The following ITGB1BP1 variants were observed in gnomAD, a reference collection of about 807,000 sequenced individuals.
The protein encoded by ITGB1BP1 is integrin subunit beta 1 binding protein 1.
Under a neutral mutation model 28.0 loss-of-function variants are expected in ITGB1BP1, and 20 were observed. The observed-to-expected ratio is 0.71, with a 90% CI of 0.50 to 1.04. The LOEUF (loss-of-function observed/expected upper bound fraction) is 1.04. ITGB1BP1 is among the 50% of genes least tolerant of loss of function. The pLI is 0.00. For synonymous variants in ITGB1BP1, 103 were observed against 89.5 expected (o/e 1.15, Z -0.85); for missense variants, 228 against 242.5 (o/e 0.94, Z 0.40).
At chr2:9,411,638 G>A (rs901547004) in intron 4 of ITGB1BP1, among the ~76,000 whole-genome samples, 1 of 151,832 alleles carries the variant, frequency 6.6e-6, no homozygotes, top group Admixed American at 6.6e-5. Context: ...CAGGAGAATC[G>A]CTTAAACCCG....
rs1027578975 is a variant in ITGB1BP1, at chr2:9,404,622, A to T, written c.*2212T>A. The T allele has an allele frequency of 6.6e-6, 1 of 152,626 alleles. No individual in the cohort carries two copies. The highest frequency in any genetic ancestry group is 2.4e-5 in the African/African-American group (1 of 41,462). 9.5% of individuals were successfully genotyped at this position (152,626 alleles called of 1,614,324 possible). ...CCACTTGGACTTTTAACAAAAGTAA[A>T]GGAATAAATTTGCATATAGGCTTGG... is the stretch of plus-strand genomic sequence containing the variant. On this transcript the variant is annotated 3_prime_UTR_variant, in exon 7 of 7. Transcript: ENST00000355346.
At chr2:9,422,165 T>G (rs56063038) in intron 1 of ITGB1BP1, among the ~76,000 whole-genome samples, 28,444 of 152,194 alleles carry the variant, frequency 0.19, 2,842 homozygotes, top group Middle Eastern at 0.3. Flanking sequence ...ACTTTAAATC[T>G]ACCCCCACAC....
chr2:9,411,695 C>T (rs959429739), intron 4 of ITGB1BP1, among the ~76,000 whole-genome samples: 2 of 151,034 alleles, frequency 1.3e-5, no homozygotes, highest in Non-Finnish European at 2.9e-5. Flanking sequence ...TGCACTCCAG[C>T]CTGGGCGACA....
chr2:9,407,255 C>T (rs762660083), intron 6 of ITGB1BP1, 194 bp downstream of exon 6: 96 of 631,484 alleles, frequency 1.5e-4, no homozygotes, highest in Non-Finnish European at 2.4e-4. Flanking sequence ...AGTGCTGCCA[C>T]TGGCCCTAAC....
rs4076060 is a variant in ITGB1BP1 at position 9,422,920 on chromosome 2, G to A, written c.-36+453C>T. 4.6e-4 allele frequency: 456 copies of A among 986,158 alleles called. 2 individuals are homozygous for A. The African/African-American group carries it at 7.4e-3, about 16-fold the overall frequency. The allele number at this position is 986,158 out of a possible 1,614,324, so 61.1% of individuals were successfully genotyped here. A position where few individuals can be genotyped will look rare whatever the true frequency, so the allele number is the denominator to read the frequency against. ...GATGCGGCCAAGCTCGGGGCCTAGG[G>A]AGAGCCGGCTCCGAAGTTCCTCCCA... On this transcript the variant is annotated intron_variant, in intron 1 of 6. Coordinates refer to ENST00000355346, the MANE Select transcript of ITGB1BP1 (RefSeq NM_004763.5).
chr2:9,407,456 T>C lies in ITGB1BP1; in HGVS notation c.524A>G (p.Asn175Ser). 1.2e-6 allele frequency: 2 copies of C among 1,614,208 alleles called. No individual in the cohort carries two copies. Among genetic ancestry groups the C allele is most frequent in the Non-Finnish European group, 1.7e-6 (2 of 1,180,036 alleles). Reference protein sequence around the residue: ...EEYSLWVYQCNSLEQAQAICK... With the variant: ...EEYSLWVYQCSSLEQAQAICK... ...AAAGTAACGAAGTCTCACCAGGCTGTTGCACTGATAAACCCACAGGCTGTA... is the reference window on the plus strand; with the variant it reads ...AAAGTAACGAAGTCTCACCAGGCTGCTGCACTGATAAACCCACAGGCTGTA... Residue 175 changes from asparagine to serine, a missense_variant, in exon 6 of 7, where the codon AAC (asparagine) becomes AGC (serine). Asn to Ser is a conservative substitution (Grantham distance 46). Transcript: ENST00000355346.
chr2:9,407,621 C>T lies in ITGB1BP1; in HGVS notation c.382-23G>A, dbSNP rs373071157. 27 of 1,613,420 alleles carry T rather than the reference C, an allele frequency of 1.7e-5. No homozygotes were observed. The East Asian group carries it at 2.5e-4, about 15-fold the overall frequency. ...ATCCTGCAGAAGTCAGGAAAGATTCCGAGAGATCAGGACTCTCAAATGTTT... is the reference window on the plus strand; with the variant it reads ...ATCCTGCAGAAGTCAGGAAAGATTCTGAGAGATCAGGACTCTCAAATGTTT... On this transcript the variant is annotated intron_variant, in intron 5 of 6. Transcript: ENST00000355346.
At chr2:9,408,414 G>A in intron 4 of ITGB1BP1, 1 of 495,052 alleles carries the variant, frequency 2.0e-6, no homozygotes, top group Non-Finnish European at 3.6e-6. Context: ...TTGAGACAGA[G>A]TCTCACTCTG....
Position 9,407,573 on chromosome 2 carries a change from T to C in ITGB1BP1, c.407A>G (p.Tyr136Cys). ...QYDVLHRHALYLIIRMVCYDD... is the reference protein window; with the variant it reads ...QYDVLHRHALCLIIRMVCYDD... Reference sequence around the variant, plus strand: ...GTAACACACCATCCGGATTATTAAGTAGAGAGCATGCCTGTGCAAAACATC... The same window carrying C: ...GTAACACACCATCCGGATTATTAAGCAGAGAGCATGCCTGTGCAAAACATC... The change falls in exon 6 of 7, where the codon TAC (tyrosine) becomes TGC (cysteine). Residue 136 changes from tyrosine (Y) to cysteine (C), a missense_variant. Tyr to Cys is a radical substitution (Grantham distance 194). This residue lies in a region of ITGB1BP1 where 192 missense variants were observed against 181.6 expected (regional missense o/e 1.06). Coordinates refer to ENST00000355346, the MANE Select transcript of ITGB1BP1 (RefSeq NM_004763.5). 6.2e-7 allele frequency: 1 copy of C among 1,614,122 alleles called. No homozygotes were observed. Among genetic ancestry groups the C allele is most frequent in the Middle Eastern group, 1.6e-4 (1 of 6,062 alleles).
chr2:9,414,369 A>C, intron 2 of ITGB1BP1, 113 bp from the exon 3 acceptor site: 2 of 704,660 alleles, frequency 2.8e-6, no homozygotes, highest in Non-Finnish European at 4.9e-6. Context: ...ATACAAAACC[A>C]TGTCAATTAT....
chr2:9,406,827 G>A lies in ITGB1BP1; in HGVS notation c.*7C>T. On this transcript the variant is annotated 3_prime_UTR_variant, in exon 7 of 7. Transcript: ENST00000355346. ...AGATGAAGTTGACTTCTACTTGATT[G>A]CAGGATTCAGGGTTTCTCAGATGTT... 6.3e-7 allele frequency: 1 copy of A among 1,594,796 alleles called. No individual in the cohort carries two copies. The highest frequency in any genetic ancestry group is 8.6e-7 in the Non-Finnish European group (1 of 1,162,428).
At chr2:9,409,849 T>TTC (rs1200170611) in intron 4 of ITGB1BP1, among the ~76,000 whole-genome samples, 1 of 150,558 alleles carries the variant, frequency 6.6e-6, no homozygotes, top group Non-Finnish European at 1.5e-5. Flanking sequence ...TTCTTTTTTT[T>TTC]TTTTTTTTTT....
chr2:9,420,654 A>G (rs549126533), intron 1 of ITGB1BP1, among the ~76,000 whole-genome samples: 2 of 152,312 alleles, frequency 1.3e-5, no homozygotes, highest in Non-Finnish European at 2.9e-5. Flanking sequence ...GGAACAGTCA[A>G]GGCTGTCCGG....
chr2:9,423,512 C>T lies in ITGB1BP1; in HGVS notation c.-175G>A. 8.4e-7 allele frequency: 1 copy of T among 1,186,412 alleles called. No homozygotes were observed. Among genetic ancestry groups the T allele is most frequent in the Non-Finnish European group, 1.1e-6 (1 of 927,106 alleles). 73.5% of individuals were successfully genotyped at this position (1,186,412 alleles called of 1,614,324 possible). The stretch of plus-strand genomic sequence containing the variant: ...GCCCTCCTGCCCACGTCCGCCGGGC[C>T]GCGCCTCCAAGACTATGCGCAGGCG... On this transcript the variant is annotated 5_prime_UTR_variant, in exon 1 of 7. Transcript: ENST00000355346.
chr2:9,407,658 T>C (rs1677709440), intron 5 of ITGB1BP1, 60 bp from the exon 6 acceptor site: 4 of 1,584,620 alleles, frequency 2.5e-6, no homozygotes, highest in East Asian at 4.5e-5. Context: ...TCAGTCCTGA[T>C]GACACACCCT....
chr2:9,414,057 A>G (rs977093987), intron 3 of ITGB1BP1, 121 bp downstream of exon 3: 65 of 830,850 alleles, frequency 7.8e-5, no homozygotes, highest in Non-Finnish European at 1.2e-4. Flanking sequence ...ACTCTTGTCA[A>G]AAGTGGCAAA....
rs145045333 is a variant in ITGB1BP1, at chr2:9,408,148, T to G, written c.346A>C (p.Lys116Gln). ...PEEEFIMGVSKYGIKVSTSDQ... is the reference protein window; with the variant it reads ...PEEEFIMGVSQYGIKVSTSDQ... ...GATGTTGATACTTTTATGCCATACT[T>G]GGAAACTCCCATAATAAATTCTTCC... is the stretch of plus-strand genomic sequence containing the variant. Residue 116 changes from lysine to glutamine, a missense_variant, in exon 5 of 7, where the codon AAG becomes CAG. Lys to Gln is a moderately conservative substitution (Grantham distance 53). Coordinates refer to ENST00000355346, the MANE Select transcript of ITGB1BP1 (RefSeq NM_004763.5). 465 of 1,596,686 alleles carry G rather than the reference T, an allele frequency of 2.9e-4. No individual in the cohort carries two copies. The highest frequency in any genetic ancestry group is 3.8e-4 in the Non-Finnish European group (444 of 1,164,774).
Position 9,403,731 on chromosome 2 carries a change from A to C in ITGB1BP1, c.*3103T>G. On this transcript the variant is annotated 3_prime_UTR_variant, in exon 7 of 7. Transcript: ENST00000355346. Reference sequence around the variant, plus strand: ...CAATTATTATTTTAGGCGGCCAGTGAACTGCTGCTTCAGAAGTCCATAGCC... The same window carrying C: ...CAATTATTATTTTAGGCGGCCAGTGCACTGCTGCTTCAGAAGTCCATAGCC... The C allele has an allele frequency of 5.9e-6, 1 of 170,796 alleles. No homozygotes were observed. Among genetic ancestry groups the C allele is most frequent in the South Asian group, 1.5e-4 (1 of 6,796 alleles). 10.6% of individuals were successfully genotyped at this position (170,796 alleles called of 1,614,324 possible).
Position 9,404,587 on chromosome 2 carries a change from CAT to C in ITGB1BP1, c.*2245_*2246del, listed in dbSNP as rs1373617097. On this transcript the variant is annotated 3_prime_UTR_variant, in exon 7 of 7. Coordinates refer to ENST00000355346, the MANE Select transcript of ITGB1BP1 (RefSeq NM_004763.5). The stretch of plus-strand genomic sequence containing the variant: ...TTTTGGCACTCTGAGAATAAATAGG[CAT>C]ATGATACCCACTTGGACTTTTAACA... 2 of 152,482 alleles carry C rather than the reference CAT, an allele frequency of 1.3e-5. No individual in the cohort carries two copies. The highest frequency in any genetic ancestry group is 2.9e-5 in the Non-Finnish European group (2 of 68,036). 9.4% of individuals were successfully genotyped at this position (152,482 alleles called of 1,614,324 possible).
Sources: allele counts gnomAD v4.1 joint callset (sites outside exome capture counted in the v4.1 genomes callset), GRCh38; gene constraint gnomAD v4.1.1; regional missense constraint gnomAD v4.1.1; transcripts MANE v1.5; gene names NCBI Gene and HGNC (gene_info 2026-07-23, HGNC 2026-07-21).